SLC5A4: variants seen among roughly 807,000 people sequenced by gnomAD.
SLC5A4 encodes the protein probable glucose sensor protein SLC5A4.
In SLC5A4, 55 loss-of-function variants were observed where a neutral mutation model predicts 70.3. The ratio of observed to expected loss-of-function variants is 0.78; its 90% CI spans 0.63 to 0.98. The LOEUF is 0.98. SLC5A4 is among the 50% of genes least tolerant of loss of function. SLC5A4 has a pLI of 0.00. For synonymous variants in SLC5A4, 268 were observed against 305.7 expected (o/e 0.88, Z 1.29); for missense variants, 735 against 839.2 (o/e 0.88, Z 1.53).
the SLC5A4 span, among the ~76,000 whole-genome samples, chr22:32,336,699 G>A: frequency 2.6e-5 from 4 of 152,332 alleles, no homozygotes; most frequent in South Asian, 8.3e-4. Context: ...TTCTAGAAGT[G>A]CCTCTTCAAA....
At chr22:32,254,375 A>T (rs1486966583) in intron 1 of SLC5A4, among the ~76,000 whole-genome samples, 162 bp from the exon 2 acceptor site, 2 of 152,214 alleles carry the variant, frequency 1.3e-5, no homozygotes, top group Non-Finnish European at 2.9e-5. Context: ...AAGGACTTCA[A>T]AAACAGTCGC....
At chr22:32,326,769 G>A in the SLC5A4 span, among the ~76,000 whole-genome samples, 2 of 152,162 alleles carry the variant, frequency 1.3e-5, no homozygotes, top group African/African-American at 4.8e-5. Context: ...AGATGAGGCT[G>A]GATTAACTGG....
the SLC5A4 span, among the ~76,000 whole-genome samples, chr22:32,341,110 G>A: frequency 6.6e-6 from 1 of 152,166 alleles, no homozygotes; most frequent in Admixed American, 6.5e-5. Context: ...CACGTCTATG[G>A]GGTATCCAAG....
chr22:32,244,805 C>T (rs1926727428), intron 5 of SLC5A4, among the ~76,000 whole-genome samples: 1 of 152,176 alleles, frequency 6.6e-6, no homozygotes, highest in Admixed American at 6.5e-5. Flanking sequence ...GCTGGGATTA[C>T]AGGCAGAAGT....
At chr22:32,222,468 A>T (rs1038651042) in intron 13 of SLC5A4, among the ~76,000 whole-genome samples, 1 of 152,236 alleles carries the variant, frequency 6.6e-6, no homozygotes. Flanking sequence ...ACCTTGCAGC[A>T]TATTAATGAG....
chr22:32,245,579 C>T (rs779688792), intron 5 of SLC5A4, among the ~76,000 whole-genome samples: 9 of 152,144 alleles, frequency 5.9e-5, no homozygotes, highest in African/African-American at 1.7e-4. Flanking sequence ...GGAGTGCAGT[C>T]GCGCGATCTC....
chr22:32,339,589 T>C, the SLC5A4 span, among the ~76,000 whole-genome samples: 53 of 152,148 alleles, frequency 3.5e-4, 1 homozygote, highest in Admixed American at 9.8e-4. Context: ...CCTCCTCTTG[T>C]GGGGAGTGGT....
At chr22:32,248,176 A>G (rs1048568958) in intron 4 of SLC5A4, among the ~76,000 whole-genome samples, 1 of 152,200 alleles carries the variant, frequency 6.6e-6, no homozygotes, top group Admixed American at 6.5e-5. Flanking sequence ...TTCATGATTG[A>G]AGAGAAAAAA....
At position 32,226,751 on chromosome 22, in the gene SLC5A4, G is replaced by A. The variant is rs140005376; in HGVS notation, c.1281-928C>T. Among the ~76,000 whole-genome samples, 3 of 152,198 alleles carry A rather than the reference G, an allele frequency of 2.0e-5. No individual in the cohort carries two copies. In the East Asian group the frequency reaches 5.8e-4, roughly 30 times the overall value. On this transcript the variant is annotated intron_variant, in intron 11 of 14. Transcript: ENST00000266086. Reference sequence around the variant, plus strand: ...ATTCAGTTCCAGTTTCCTATCACATGTAGAATAAAATCCCGTCTTGTTATG... The same window carrying A: ...ATTCAGTTCCAGTTTCCTATCACATATAGAATAAAATCCCGTCTTGTTATG...
chr22:32,223,583 C>A (rs1209831376), intron 13 of SLC5A4, among the ~76,000 whole-genome samples: 2 of 152,100 alleles, frequency 1.3e-5, no homozygotes, highest in Non-Finnish European at 2.9e-5. Context: ...AGTCAGTGTT[C>A]ATGCTGTATA....
chr22:32,239,226 C>T, intron 5 of SLC5A4, 136 bp from the exon 6 acceptor site: 1 of 681,626 alleles, frequency 1.5e-6, no homozygotes, highest in South Asian at 1.8e-5. Flanking sequence ...ACTGAGATGG[C>T]CCCAGAGTAA....
chr22:32,228,276 C>T (rs1925522697), intron 11 of SLC5A4, among the ~76,000 whole-genome samples: 1 of 152,120 alleles, frequency 6.6e-6, no homozygotes, highest in South Asian at 2.1e-4. Context: ...GGCGGTGGCT[C>T]ACACCTGTAG....
chr22:32,339,498 G>C, the SLC5A4 span, among the ~76,000 whole-genome samples: 3 of 152,320 alleles, frequency 2.0e-5, no homozygotes, highest in African/African-American at 2.4e-5. Flanking sequence ...TGCTAGAGTA[G>C]AGTACAGCTA....
the SLC5A4 span, among the ~76,000 whole-genome samples, chr22:32,306,609 C>T: frequency 2.0e-5 from 3 of 152,214 alleles, no homozygotes; most frequent in Non-Finnish European, 4.4e-5. Flanking sequence ...CCCATGCCTG[C>T]TCACATGAAG....
intron 6 of SLC5A4, 61 bp downstream of exon 6, chr22:32,238,924 G>A: frequency 2.7e-6 from 3 of 1,099,796 alleles, no homozygotes; most frequent in Non-Finnish European, 4.2e-6. Context: ...AATGCTAATT[G>A]CAGGTTGGGG....
intron 4 of SLC5A4, among the ~76,000 whole-genome samples, chr22:32,247,898 G>A (rs1926926180): frequency 6.6e-6 from 1 of 152,140 alleles, no homozygotes; most frequent in South Asian, 2.1e-4. Context: ...TGGAATCCCT[G>A]GCTCCATTAA....
At chr22:32,252,588 A>G (rs542588289) in intron 2 of SLC5A4, among the ~76,000 whole-genome samples, 3 of 152,212 alleles carry the variant, frequency 2.0e-5, no homozygotes, top group East Asian at 3.9e-4. Flanking sequence ...AGAAAACTCT[A>G]AAGTATTTAC....
chr22:32,259,389 T>G (rs1927642444), upstream of SLC5A4, among the ~76,000 whole-genome samples: 1 of 152,216 alleles, frequency 6.6e-6, no homozygotes, highest in East Asian at 1.9e-4. Flanking sequence ...TATTGAAGGA[T>G]TTTTCTTATA....
the SLC5A4 span, among the ~76,000 whole-genome samples, chr22:32,332,663 T>C: frequency 7.2e-5 from 11 of 152,120 alleles, no homozygotes; most frequent in African/African-American, 1.2e-4. Flanking sequence ...AGGCTTCCAT[T>C]ATTCACACCT....
Sources: gnomAD v4.1 joint callset for allele counts (sites outside exome capture counted in the v4.1 genomes callset) on GRCh38, gnomAD v4.1.1 for gene constraint, MANE v1.5 for transcripts, NCBI Gene and HGNC (gene_info 2026-07-23, HGNC 2026-07-21) for gene names.